The following TBX15 variants were observed in gnomAD, a reference collection of about 807,000 sequenced individuals.
TBX15 encodes T-box transcription factor 15.
TBX15 carries 18 observed loss-of-function variants against 53.9 expected under a neutral mutation model. The observed-to-expected ratio is 0.33, with a 90% CI of 0.23 to 0.49. The LOEUF (loss-of-function observed/expected upper bound fraction) is 0.49, where lower values mean the gene tolerates loss of function less well. Ranked by LOEUF, TBX15 falls within the 20% of genes least tolerant of loss-of-function variation. The pLI is 0.98. For synonymous variants in TBX15, 295 were observed against 278.0 expected, an observed-to-expected ratio of 1.06 and a Z score of -0.61; for missense variants, 692 against 749.5, an observed-to-expected ratio of 0.92 and a Z score of 0.90.
At chr1:118,973,515 T>A (rs115278436) in intron 1 of TBX15, among the ~76,000 whole-genome samples, 3,453 of 151,568 alleles carry the variant, frequency 0.023, 131 homozygotes, top group African/African-American at 0.08. Context: ...TCTAAACCTA[T>A]ACACATGCCC....
intron 1 of TBX15, among the ~76,000 whole-genome samples, chr1:118,979,395 T>G (rs1190665360): frequency 6.6e-6 from 1 of 152,044 alleles, no homozygotes; most frequent in Non-Finnish European, 1.5e-5. Flanking sequence ...TTTAACAGAC[T>G]AGCTACGATA....
intron 6 of TBX15, among the ~76,000 whole-genome samples, chr1:118,907,095 T>C (rs944743737): frequency 6.6e-6 from 1 of 152,206 alleles, no homozygotes; most frequent in Admixed American, 6.5e-5. Flanking sequence ...ACCAATTCCC[T>C]GGGCTACAGA....
chr1:118,890,983 G>A, intron 7 of TBX15: 1 of 1,294,836 alleles, frequency 7.7e-7, no homozygotes, highest in South Asian at 1.2e-5. Flanking sequence ...ACAGGTAAAA[G>A]GTAAAATATC....
chr1:118,911,923 T>G (rs906520256), intron 6 of TBX15, among the ~76,000 whole-genome samples: 1 of 152,188 alleles, frequency 6.6e-6, no homozygotes, highest in Non-Finnish European at 1.5e-5. Flanking sequence ...TCACTCTACC[T>G]CTTAATCTGA....
intron 1 of TBX15, among the ~76,000 whole-genome samples, chr1:118,960,105 C>A (rs925550934): frequency 6.6e-6 from 1 of 151,166 alleles, no homozygotes; most frequent in East Asian, 1.9e-4. Flanking sequence ...GAAGTCAGAG[C>A]AAGGGAGAAG....
chr1:118,939,418 AAAAAAAAAAAAAAAAAAAC>A (rs1223808692), intron 1 of TBX15, among the ~76,000 whole-genome samples: 17 of 115,462 alleles, frequency 1.5e-4, no homozygotes, highest in Non-Finnish European at 2.0e-4. Flanking sequence ...AAAAAAAAAA[AAAAAAAAAAAAAAAAAAAC>A]AAAAACAGGA....
intron 7 of TBX15, among the ~76,000 whole-genome samples, chr1:118,886,103 G>A (rs1653936582): frequency 1.3e-5 from 2 of 152,258 alleles, no homozygotes; most frequent in Admixed American, 1.3e-4. Flanking sequence ...AGTGGAGCCT[G>A]GGGTATGAGA....
At chr1:118,956,715 G>A (rs1054753655) in intron 1 of TBX15, among the ~76,000 whole-genome samples, 7 of 152,036 alleles carry the variant, frequency 4.6e-5, no homozygotes, top group African/African-American at 1.7e-4. Context: ...CACTTTGGGA[G>A]GCCGAAGTGG....
At chr1:118,915,090 C>G (rs1015266531) in intron 5 of TBX15, among the ~76,000 whole-genome samples, 4 of 152,176 alleles carry the variant, frequency 2.6e-5, no homozygotes, top group Non-Finnish European at 5.9e-5. Flanking sequence ...CACATGCACT[C>G]TAGTGTTTCC....
chr1:118,888,168 G>A (rs944240141), intron 7 of TBX15, among the ~76,000 whole-genome samples: 2 of 151,934 alleles, frequency 1.3e-5, no homozygotes, highest in Non-Finnish European at 2.9e-5. Context: ...TGGCCATGTC[G>A]GAAAGAGCCC....
chr1:118,892,101 A>G (rs1485943315), intron 7 of TBX15, among the ~76,000 whole-genome samples: 1 of 152,172 alleles, frequency 6.6e-6, no homozygotes, highest in Non-Finnish European at 1.5e-5. Flanking sequence ...ATGATAAATT[A>G]CCTATGAGTA....
At chr1:118,939,870 C>T (rs898475871) in intron 1 of TBX15, among the ~76,000 whole-genome samples, 5 of 151,744 alleles carry the variant, frequency 3.3e-5, no homozygotes, top group African/African-American at 9.7e-5. Context: ...ACTTTATGTA[C>T]GTTATTATCT....
At chr1:118,906,327 C>T (rs1654826105) in intron 6 of TBX15, among the ~76,000 whole-genome samples, 1 of 152,174 alleles carries the variant, frequency 6.6e-6, no homozygotes, top group African/African-American at 2.4e-5. Context: ...CGGAGATCCT[C>T]TGTATACCCT....
At chr1:118,988,489 G>A (rs576886533), upstream of TBX15, 5 of 152,448 alleles carry the variant, frequency 3.3e-5, no homozygotes, top group African/African-American at 1.2e-4. Flanking sequence ...TCCCCTGGAT[G>A]CTCCTGGGCC....
chr1:118,982,336 A>AGAT (rs1657678105), intron 1 of TBX15, among the ~76,000 whole-genome samples: 1 of 152,252 alleles, frequency 6.6e-6, no homozygotes. Context: ...TCAGGATCTC[A>AGAT]AAGCGATCCT....
At chr1:118,916,060 T>C (rs1470787871) in intron 5 of TBX15, among the ~76,000 whole-genome samples, 2 of 152,220 alleles carry the variant, frequency 1.3e-5, no homozygotes, top group Admixed American at 1.3e-4. Context: ...TTATCATTTA[T>C]CATCAAGTGC....
At chr1:118,960,195 C>G (rs986907869) in intron 1 of TBX15, among the ~76,000 whole-genome samples, 5 of 152,150 alleles carry the variant, frequency 3.3e-5, no homozygotes, top group African/African-American at 1.2e-4. Flanking sequence ...TTTTGGCGGC[C>G]TCTCCATCTT....
At chr1:118,977,143 G>A (rs959916065) in intron 1 of TBX15, among the ~76,000 whole-genome samples, 1 of 152,160 alleles carries the variant, frequency 6.6e-6, no homozygotes, top group Admixed American at 6.5e-5. Context: ...TAAAACCAGG[G>A]CTCAGACACA....
intron 1 of TBX15, among the ~76,000 whole-genome samples, chr1:118,974,135 T>G (rs186821381): frequency 6.6e-6 from 1 of 152,330 alleles, no homozygotes; most frequent in East Asian, 1.9e-4. Context: ...ATTGCAGTGT[T>G]CATCTCATCC....
Sources: gnomAD v4.1 joint callset for allele counts (sites outside exome capture counted in the v4.1 genomes callset) on GRCh38, gnomAD v4.1.1 for gene constraint, MANE v1.5 for transcripts, NCBI Gene and HGNC (gene_info 2026-07-23, HGNC 2026-07-21) for gene names.